The following KIAA1217 variants were observed in gnomAD, a reference collection of about 807,000 sequenced individuals.
KIAA1217 encodes the protein sickle tail protein homolog.
Under a neutral mutation model 163.9 loss-of-function variants are expected in KIAA1217, and 88 were observed. The observed-to-expected ratio is 0.54, with a 90% CI of 0.45 to 0.64. KIAA1217 has a LOEUF of 0.64. KIAA1217 is among the 30% of genes least tolerant of loss of function. KIAA1217 has a pLI of 0.00. For missense variants in KIAA1217, 2,372 were observed against 2,475.0 expected, an observed-to-expected ratio of 0.96 and a Z score of 0.88; for synonymous variants, 903 against 923.1, an observed-to-expected ratio of 0.98 and a Z score of 0.39.
chr10:23,810,548 CTATATATAG>C (rs1444274467), intron 1 of KIAA1217, among the ~76,000 whole-genome samples: 1 of 131,180 alleles, frequency 7.6e-6, no homozygotes, highest in East Asian at 2.2e-4. Context: ...ATAGTATAAT[CTATATATAG>C]TATATATAGT....
chr10:24,214,063 A>C (rs949065045), intron 1 of KIAA1217, among the ~76,000 whole-genome samples: 3 of 152,162 alleles, frequency 2.0e-5, no homozygotes, highest in African/African-American at 7.2e-5. Context: ...ATTCTGAGGC[A>C]GGAGGATCAC....
At chr10:24,031,508 C>T (rs1416197577) in intron 2 of KIAA1217, among the ~76,000 whole-genome samples, 2 of 152,146 alleles carry the variant, frequency 1.3e-5, no homozygotes, top group Admixed American at 1.3e-4. Flanking sequence ...CCATGTTGCC[C>T]AGGCTGATCT....
intron 1 of KIAA1217, among the ~76,000 whole-genome samples, chr10:23,785,052 C>A (rs1835429733): frequency 6.6e-6 from 1 of 152,182 alleles, no homozygotes; most frequent in Non-Finnish European, 1.5e-5. Context: ...TACTTTCCTT[C>A]TTAAAATCCA....
intron 20 of KIAA1217, chr10:24,545,392 ATCT>A: frequency 7.5e-7 from 1 of 1,331,678 alleles, no homozygotes; most frequent in Non-Finnish European, 9.6e-7. Flanking sequence ...GTAGTGTTTC[ATCT>A]GAACACCTCG....
intron 5 of KIAA1217, among the ~76,000 whole-genome samples, chr10:24,454,630 T>A (rs1287574666): frequency 6.6e-6 from 1 of 152,054 alleles, no homozygotes. Context: ...GGACTGGTGG[T>A]CAGGGTCTGA....
At chr10:23,907,927 G>A (rs1842239472) in intron 1 of KIAA1217, among the ~76,000 whole-genome samples, 1 of 151,940 alleles carries the variant, frequency 6.6e-6, no homozygotes, top group African/African-American at 2.4e-5. Context: ...CAAGAGTAAA[G>A]GGGAAACACA....
At chr10:23,733,680 G>A (rs1414453) in intron 1 of KIAA1217, among the ~76,000 whole-genome samples, 33,123 of 151,616 alleles carry the variant, frequency 0.22, 3,848 homozygotes, top group Middle Eastern at 0.29. Flanking sequence ...TGCAGAAACC[G>A]TGGGTATAGT....
intron 1 of KIAA1217, among the ~76,000 whole-genome samples, chr10:23,697,088 G>A (rs747851500): frequency 1.3e-5 from 2 of 152,064 alleles, no homozygotes; most frequent in African/African-American, 2.4e-5. Context: ...ACCCATCTCC[G>A]TTCTCTATGA....
At chr10:23,810,393 A>G (rs941406796) in intron 1 of KIAA1217, among the ~76,000 whole-genome samples, 2 of 145,284 alleles carry the variant, frequency 1.4e-5, no homozygotes, top group African/African-American at 5.0e-5. Flanking sequence ...TACTATATAT[A>G]TATACTCTCT....
chr10:23,804,714 A>G (rs1354712412), intron 1 of KIAA1217, among the ~76,000 whole-genome samples: 1 of 152,166 alleles, frequency 6.6e-6, no homozygotes, highest in Non-Finnish European at 1.5e-5. Context: ...TGATAGAAAT[A>G]TCATATTTAT....
chr10:24,109,495 G>A (rs977077840), intron 2 of KIAA1217, among the ~76,000 whole-genome samples: 1 of 151,886 alleles, frequency 6.6e-6, no homozygotes, highest in Non-Finnish European at 1.5e-5. Context: ...AATTCTCTAT[G>A]TGGATTAACT....
chr10:24,250,650 C>T, intron 2 of KIAA1217, among the ~76,000 whole-genome samples: 1 of 10 alleles, frequency 0.1, no homozygotes, highest in Non-Finnish European at 0.25. Flanking sequence ...CCATGATGGC[C>T]AAGCTGGTCT....
chr10:23,860,159 T>C (rs1439752059), intron 1 of KIAA1217, among the ~76,000 whole-genome samples: 1 of 152,126 alleles, frequency 6.6e-6, no homozygotes, highest in Admixed American at 6.6e-5. Context: ...CATGAGCAGC[T>C]CTGGGCAGGG....
chr10:24,374,435 C>G (rs2052163747), intron 2 of KIAA1217, among the ~76,000 whole-genome samples: 1 of 152,180 alleles, frequency 6.6e-6, no homozygotes, highest in African/African-American at 2.4e-5. Flanking sequence ...CAGCAGGACC[C>G]TCTAGCGCCT....
intron 20 of KIAA1217, 99 bp from the exon 21 acceptor site, chr10:24,545,728 T>C: frequency 6.6e-7 from 1 of 1,515,730 alleles, no homozygotes; most frequent in Non-Finnish European, 8.8e-7. Context: ...TGGTTTTCTT[T>C]GATTGAATTA....
At chr10:23,980,487 A>G (rs1845717326) in intron 1 of KIAA1217, among the ~76,000 whole-genome samples, 1 of 152,108 alleles carries the variant, frequency 6.6e-6, no homozygotes, top group African/African-American at 2.4e-5. Flanking sequence ...ACTCTATCTG[A>G]CAATCACGGT....
At chr10:23,740,048 A>T (rs370268661) in intron 1 of KIAA1217, among the ~76,000 whole-genome samples, 608 of 139,566 alleles carry the variant, frequency 4.4e-3, no homozygotes, top group African/African-American at 0.016. Context: ...TCCATTTTAT[A>T]CATCTTAAAT....
intron 1 of KIAA1217, among the ~76,000 whole-genome samples, chr10:23,843,622 G>T (rs1363190328): frequency 6.6e-6 from 1 of 152,152 alleles, no homozygotes; most frequent in African/African-American, 2.4e-5. Flanking sequence ...GCTAATTTCA[G>T]TTGGGTTTGG....
intron 9 of KIAA1217, among the ~76,000 whole-genome samples, chr10:24,506,000 T>A (rs948125719): frequency 7.9e-5 from 12 of 151,948 alleles, no homozygotes; most frequent in African/African-American, 2.7e-4. Flanking sequence ...CAGACCCGTG[T>A]CCCCTGCCAA....
Sources: allele counts gnomAD v4.1 joint callset (sites outside exome capture counted in the v4.1 genomes callset), GRCh38; gene constraint gnomAD v4.1.1; transcripts MANE v1.5; gene names NCBI Gene and HGNC (gene_info 2026-07-23, HGNC 2026-07-21).